The following EPB41L2 variants were observed in gnomAD, a reference collection of about 807,000 sequenced individuals.
EPB41L2 encodes the protein band 4.1-like protein 2.
Under a neutral mutation model 113.0 loss-of-function variants are expected in EPB41L2, and 43 were observed. The ratio of observed to expected loss-of-function variants is 0.38; its 90% confidence interval spans 0.30 to 0.49. The LOEUF (loss-of-function observed/expected upper bound fraction) is 0.49. Ranked by LOEUF, EPB41L2 falls within the 20% of genes least tolerant of loss-of-function variation. The pLI is 0.95. For missense variants in EPB41L2, 1,147 were observed against 1,223.4 expected (o/e 0.94, Z 0.93); for synonymous variants, 442 against 436.7 (o/e 1.01, Z -0.15).
Position 130,956,445 on chromosome 6 carries a change from T to A in EPB41L2, c.41A>T (p.Asp14Val). The change falls in exon 2 of 20, where the codon GAC (aspartate) becomes GTC (valine). Residue 14 changes from aspartate to valine, a missense_variant. Coordinates refer to ENST00000337057, the MANE Select transcript of EPB41L2 (RefSeq NM_001431.4). ...TGCATCTGTTCCTAACTGGCTAGAG[T>A]CCTTCTTCACTTCAGACACAGAGCC... ...EVGSVSEVKK[D>V]SSQLGTDATK... 6.2e-7 allele frequency: 1 copy of A among 1,613,918 alleles called. No individual in the cohort carries two copies. The highest frequency in any genetic ancestry group is 1.1e-5 in the South Asian group (1 of 91,088).
chr6:131,040,742 G>A (rs1443862036), intron 1 of EPB41L2, among the ~76,000 whole-genome samples: 1 of 152,190 alleles, frequency 6.6e-6, no homozygotes, highest in African/African-American at 2.4e-5. Flanking sequence ...ACTGCATTAT[G>A]TGGTGCCTGA....
At chr6:131,041,056 CA>C (rs1215618263) in intron 1 of EPB41L2, among the ~76,000 whole-genome samples, 1 of 152,150 alleles carries the variant, frequency 6.6e-6, no homozygotes, top group Non-Finnish European at 1.5e-5. Context: ...TAATTAAATG[CA>C]ATCCTTGGCA....
intron 1 of EPB41L2, among the ~76,000 whole-genome samples, chr6:131,028,677 A>T (rs1035310858): frequency 6.6e-6 from 1 of 152,196 alleles, no homozygotes; most frequent in Admixed American, 6.5e-5. Flanking sequence ...TTATCTAAAT[A>T]TGTATTAATA....
intron 3 of EPB41L2, among the ~76,000 whole-genome samples, chr6:130,937,093 C>G (rs1463108500): frequency 2.0e-5 from 3 of 152,222 alleles, no homozygotes; most frequent in Non-Finnish European, 4.4e-5. Flanking sequence ...ACATCCCACA[C>G]AGTGGGTACA....
At chr6:130,847,491 C>T (rs1254877701) in intron 19 of EPB41L2, among the ~76,000 whole-genome samples, 7 of 133,646 alleles carry the variant, frequency 5.2e-5, no homozygotes, top group South Asian at 2.5e-4. Context: ...TAATTTGTAA[C>T]GTAAGACTGA....
chr6:130,985,708 A>G (rs1462244199), intron 1 of EPB41L2, among the ~76,000 whole-genome samples: 1 of 152,224 alleles, frequency 6.6e-6, no homozygotes, highest in African/African-American at 2.4e-5. Flanking sequence ...AATCAGAGGT[A>G]ATGCTGAAAT....
intron 1 of EPB41L2, among the ~76,000 whole-genome samples, chr6:131,007,989 A>G (rs1206197631): frequency 6.6e-6 from 1 of 152,376 alleles, no homozygotes; most frequent in African/African-American, 2.4e-5. Flanking sequence ...AAGAAAAACC[A>G]ATTTTCTGGG....
intron 4 of EPB41L2, among the ~76,000 whole-genome samples, chr6:130,926,001 T>A (rs1804611153): frequency 6.6e-6 from 1 of 152,232 alleles, no homozygotes; most frequent in East Asian, 1.9e-4. Flanking sequence ...CTAACAACGA[T>A]AGCAATGTAG....
chr6:131,028,920 C>T (rs1043870586), intron 1 of EPB41L2, among the ~76,000 whole-genome samples: 9 of 152,124 alleles, frequency 5.9e-5, no homozygotes, highest in African/African-American at 1.7e-4. Context: ...CATACAAATG[C>T]TATAAAACCC....
intron 3 of EPB41L2, among the ~76,000 whole-genome samples, chr6:130,934,106 A>C (rs913676731): frequency 6.6e-5 from 10 of 152,224 alleles, no homozygotes; most frequent in Admixed American, 5.2e-4. Context: ...TTGGGGGAGG[A>C]GGATGGGAAT....
At chr6:130,972,937 C>CAAAAAAAAA (rs57293132) in intron 1 of EPB41L2, among the ~76,000 whole-genome samples, 20 of 59,512 alleles carry the variant, frequency 3.4e-4, no homozygotes, top group South Asian at 8.1e-4. Flanking sequence ...ACTAAAGATA[C>CAAAAAAAAA]AAAAAAAAAA....
intron 3 of EPB41L2, among the ~76,000 whole-genome samples, chr6:130,941,812 A>G (rs1810995662): frequency 6.6e-6 from 1 of 152,224 alleles, no homozygotes; most frequent in Non-Finnish European, 1.5e-5. Context: ...TGATTACTAG[A>G]CAGAATGGAG....
At chr6:130,867,305 T>C (rs967212953) in intron 16 of EPB41L2, among the ~76,000 whole-genome samples, 154 bp downstream of exon 16, 4 of 152,140 alleles carry the variant, frequency 2.6e-5, no homozygotes, top group African/African-American at 9.7e-5. Flanking sequence ...TAAGAGAACA[T>C]AGCAAATTAT....
chr6:131,017,186 A>G (rs1788433283), intron 1 of EPB41L2, among the ~76,000 whole-genome samples: 1 of 152,208 alleles, frequency 6.6e-6, no homozygotes, highest in Non-Finnish European at 1.5e-5. Flanking sequence ...GAATACTTAA[A>G]TAAAAATATA....
intron 1 of EPB41L2, among the ~76,000 whole-genome samples, chr6:130,979,099 T>A (rs1030472952): frequency 6.6e-6 from 1 of 152,206 alleles, no homozygotes; most frequent in African/African-American, 2.4e-5. Flanking sequence ...CAGATGTTTT[T>A]ACTCTATTCT....
chr6:131,006,667 C>CA (rs10709651), intron 1 of EPB41L2, among the ~76,000 whole-genome samples: 288 of 140,942 alleles, frequency 2.0e-3, no homozygotes, highest in African/African-American at 5.2e-3. Flanking sequence ...GACTCTATCT[C>CA]AAAAAAAAAA....
At chr6:131,028,192 T>C (rs931918334) in intron 1 of EPB41L2, among the ~76,000 whole-genome samples, 1 of 152,210 alleles carries the variant, frequency 6.6e-6, no homozygotes, top group Non-Finnish European at 1.5e-5. Flanking sequence ...TGTTTTAAAA[T>C]ACTATTTCTG....
chr6:131,051,617 C>T (rs1796578007), intron 1 of EPB41L2, among the ~76,000 whole-genome samples: 1 of 152,110 alleles, frequency 6.6e-6, no homozygotes, highest in Middle Eastern at 3.4e-3. Flanking sequence ...TGGTGGGGGG[C>T]CTACGAGAAA....
intron 8 of EPB41L2, among the ~76,000 whole-genome samples, chr6:130,895,869 T>C (rs1794484296): frequency 1.3e-5 from 2 of 152,166 alleles, no homozygotes; most frequent in East Asian, 1.9e-4. Context: ...ACCAAACAAA[T>C]TTACAGGCAA....
Sources: allele counts gnomAD v4.1 joint callset (sites outside exome capture counted in the v4.1 genomes callset), GRCh38; gene constraint gnomAD v4.1.1; transcripts MANE v1.5; gene names NCBI Gene and HGNC (gene_info 2026-07-23, HGNC 2026-07-21).